TRPM6: variants seen among roughly 807,000 people sequenced by gnomAD.
TRPM6 encodes channel kinase 2.
TRPM6 carries 111 observed loss-of-function variants against 247.6 expected under a neutral mutation model. That is an observed-to-expected ratio of 0.45 (90% CI 0.38 to 0.52). TRPM6 has a LOEUF of 0.52. Among genes scored for constraint, TRPM6 ranks in the 20% least tolerant of loss-of-function variants. The pLI is 0.00. For missense variants in TRPM6, 2,126 were observed against 2,421.5 expected, an observed-to-expected ratio of 0.88 and a Z score of 2.56; for synonymous variants, 892 against 853.8, an observed-to-expected ratio of 1.04 and a Z score of -0.78.
At chr9:74,727,922 G>T (rs1161461863) in intron 38 of TRPM6, among the ~76,000 whole-genome samples, 3 of 152,182 alleles carry the variant, frequency 2.0e-5, no homozygotes, top group East Asian at 3.9e-4. Context: ...ACCCAAATGT[G>T]GGGGGTGGGG....
intron 1 of TRPM6, chr9:74,887,516 C>A: frequency 8.4e-7 from 1 of 1,190,074 alleles, no homozygotes; most frequent in Non-Finnish European, 1.2e-6. Flanking sequence ...CCCACCGCCC[C>A]GAGCTGAACC....
intron 24 of TRPM6, 112 bp downstream of exon 24, chr9:74,775,771 G>T: frequency 9.4e-7 from 1 of 1,065,192 alleles, no homozygotes. Context: ...TATTGTCAGG[G>T]AACTCCCAGA....
intron 37 of TRPM6, 67 bp from the exon 38 acceptor site, chr9:74,728,412 G>T: frequency 8.7e-7 from 1 of 1,148,376 alleles, no homozygotes; most frequent in South Asian, 1.2e-5. Context: ...AGGATTCTCC[G>T]AGATACCGAA....
chr9:74,785,689 A>AT lies in TRPM6; in HGVS notation c.2919+184dup, dbSNP rs369390243. Among the ~76,000 whole-genome samples, 929 of 152,080 alleles carry AT rather than the reference A, an allele frequency of 6.1e-3. 8 individuals carry two copies. The highest frequency in any genetic ancestry group is 0.021 in the African/African-American group (878 of 41,500). ...AGGTGCCCACCACCATGCCCGGCTA[A>AT]TTTTTTTGTATTTTTAGTAGAGACG... On this transcript the variant is annotated intron_variant, in intron 21 of 38. Coordinates refer to ENST00000360774, the MANE Select transcript of TRPM6 (RefSeq NM_017662.5).
intron 20 of TRPM6, among the ~76,000 whole-genome samples, chr9:74,786,658 T>C (rs543895751): frequency 6.6e-6 from 1 of 152,262 alleles, no homozygotes; most frequent in South Asian, 2.1e-4. Flanking sequence ...GAGAATGGCA[T>C]GAACCCGGGA....
At chr9:74,786,999 G>C (rs1250244465) in intron 20 of TRPM6, among the ~76,000 whole-genome samples, 1 of 152,046 alleles carries the variant, frequency 6.6e-6, no homozygotes, top group Non-Finnish European at 1.5e-5. Flanking sequence ...AGGAGTTCGA[G>C]ACCAGCCTGG....
chr9:74,859,798 G>T (rs1830642532), intron 1 of TRPM6, among the ~76,000 whole-genome samples: 1 of 151,476 alleles, frequency 6.6e-6, no homozygotes, highest in East Asian at 1.9e-4. Flanking sequence ...AAGAATATGT[G>T]TCCATATTAC....
At chr9:74,841,955 T>C (rs1470759192) in intron 4 of TRPM6, among the ~76,000 whole-genome samples, 1 of 151,742 alleles carries the variant, frequency 6.6e-6, no homozygotes, top group African/African-American at 2.4e-5. Flanking sequence ...CTACTAAAAA[T>C]ACAAAATTAG....
In TRPM6 at chr9:74,810,852, T is replaced by C; in HGVS notation, c.1460A>G (p.Asn487Ser). Residue 487 changes from asparagine (N) to serine (S), a missense_variant, in exon 13 of 39, where the codon AAT becomes AGT. Physicochemically the swap from Asn to Ser is conservative, Grantham distance 46 (BLOSUM62 1). This residue lies in a region of TRPM6 where 1,082 missense variants were observed against 1,307.9 expected (regional missense o/e 0.83). Coordinates refer to ENST00000360774, the MANE Select transcript of TRPM6 (RefSeq NM_017662.5). ...ELYNTKQGPT[N>S]TLLHHLVQDV... ...TTGGACGAGATGATGCAAGAGTGTATTAGTAGGTCCTTGTTTCTGAAATAA... is the reference window on the plus strand; with the variant it reads ...TTGGACGAGATGATGCAAGAGTGTACTAGTAGGTCCTTGTTTCTGAAATAA... The C allele has an allele frequency of 5.0e-6, 8 of 1,613,742 alleles. No individual in the cohort carries two copies. Among genetic ancestry groups the C allele is most frequent in the Non-Finnish European group, 6.8e-6 (8 of 1,179,770 alleles).
At chr9:74,852,941 C>T (rs1390415788) in intron 3 of TRPM6, among the ~76,000 whole-genome samples, 1 of 152,076 alleles carries the variant, frequency 6.6e-6, no homozygotes, top group Non-Finnish European at 1.5e-5. Flanking sequence ...AGCATCTCTG[C>T]TTGGCCGCCC....
chr9:74,779,382 T>G (rs1437122606), intron 23 of TRPM6, among the ~76,000 whole-genome samples: 2 of 152,236 alleles, frequency 1.3e-5, no homozygotes, highest in African/African-American at 4.8e-5. Flanking sequence ...CTAAAATGGT[T>G]GGGCTAAGAG....
intron 29 of TRPM6, 86 bp from the exon 30 acceptor site, chr9:74,750,808 T>C: frequency 2.5e-6 from 3 of 1,185,852 alleles, no homozygotes; most frequent in Non-Finnish European, 3.8e-6. Context: ...ACACGCTCCT[T>C]GGAGAATCCT....
chr9:74,722,516 T>C lies in TRPM6; in HGVS notation c.*2097A>G, dbSNP rs1158299544. On this transcript the variant is annotated 3_prime_UTR_variant, in exon 39 of 39. Transcript: ENST00000360774. The stretch of plus-strand genomic sequence containing the variant: ...CACAGAAATTTGAAATCCAAATGTA[T>C]TTGCTTTCAAGTTCCATTCCAGGTA... 3 of 152,234 alleles carry C rather than the reference T, an allele frequency of 2.0e-5. No homozygotes were observed. Among genetic ancestry groups the C allele is most frequent in the African/African-American group, 7.2e-5 (3 of 41,452 alleles). The allele number at this position is 152,234 out of a possible 1,614,324, so 9.4% of individuals were successfully genotyped here.
intron 15 of TRPM6, among the ~76,000 whole-genome samples, chr9:74,803,426 T>C (rs17060528): frequency 0.27 from 41,196 of 151,836 alleles, 6,007 homozygotes; most frequent in African/African-American, 0.38. Flanking sequence ...GGCAGAGAAG[T>C]GAAGAAAAGA....
At position 74,785,945 on chromosome 9, in the gene TRPM6, A is replaced by C; in HGVS notation, c.2848T>G (p.Phe950Val). 6.2e-7 allele frequency: 1 copy of C among 1,614,254 alleles called. No individual in the cohort carries two copies. Among genetic ancestry groups the C allele is most frequent in the Non-Finnish European group, 8.5e-7 (1 of 1,180,044 alleles). ...LIYCIDIIFW[F>V]SRLLDFFAVN... ...GCAAAGAAGTCCAGGAGCCGTGAGA[A>C]CCAGAATATGATGTCTATGCAGTAG... The change falls in exon 21 of 39, where the codon TTC (phenylalanine) becomes GTC (valine). Residue 950 changes from phenylalanine to valine, a missense_variant. Coordinates refer to ENST00000360774, the MANE Select transcript of TRPM6 (RefSeq NM_017662.5).
At chr9:74,767,781 C>T (rs1587484502) in intron 25 of TRPM6, among the ~76,000 whole-genome samples, 1 of 151,958 alleles carries the variant, frequency 6.6e-6, no homozygotes, top group South Asian at 2.1e-4. Context: ...CCAGCCTGGG[C>T]AACATTAGCA....
chr9:74,840,458 G>A (rs1829895292), intron 4 of TRPM6, among the ~76,000 whole-genome samples: 2 of 152,222 alleles, frequency 1.3e-5, no homozygotes, highest in Admixed American at 1.3e-4. Flanking sequence ...CTGTAGGAAA[G>A]CTTCCTCTGG....
rs1426704483 is a variant in TRPM6 at position 74,724,380 on chromosome 9, A to G, written c.*233T>C. The G allele has an allele frequency of 5.2e-6, 3 of 581,892 alleles. No individual in the cohort carries two copies. The highest frequency in any genetic ancestry group is 3.0e-5 in the Admixed American group (1 of 33,864). 36.0% of individuals were successfully genotyped at this position (581,892 alleles called of 1,614,324 possible). On this transcript the variant is annotated 3_prime_UTR_variant, in exon 39 of 39. Transcript: ENST00000360774. Reference sequence around the variant, plus strand: ...ATATTCCCAGCTGACTCATCCAAGCATCTTCGTGTGGAACTTGAGGATGGA... The same window carrying G: ...ATATTCCCAGCTGACTCATCCAAGCGTCTTCGTGTGGAACTTGAGGATGGA...
At chr9:74,855,120 A>C (rs927753643) in intron 3 of TRPM6, among the ~76,000 whole-genome samples, 4 of 152,262 alleles carry the variant, frequency 2.6e-5, no homozygotes, top group African/African-American at 9.6e-5. Context: ...TTTAAAATGC[A>C]AATCACTGTT....
Sources: allele counts gnomAD v4.1 joint callset (sites outside exome capture counted in the v4.1 genomes callset), GRCh38; gene constraint gnomAD v4.1.1; regional missense constraint gnomAD v4.1.1; transcripts MANE v1.5; gene names NCBI Gene and HGNC (gene_info 2026-07-23, HGNC 2026-07-21).